The following HMGN3 variants were observed in gnomAD, a reference collection of about 807,000 sequenced individuals.
HMGN3 encodes high mobility group nucleosomal binding domain 3.
HMGN3 carries 6 observed loss-of-function variants against 18.8 expected under a neutral mutation model. The ratio of observed to expected loss-of-function variants is 0.32; its 90% CI spans 0.18 to 0.63. The LOEUF is 0.63. Ranked by LOEUF, HMGN3 falls within the 30% of genes least tolerant of loss-of-function variation. HMGN3 has a pLI of 0.79. For synonymous variants in HMGN3, 40 were observed against 36.5 expected, an observed-to-expected ratio of 1.10 and a Z score of -0.35; for missense variants, 107 against 114.2, an observed-to-expected ratio of 0.94 and a Z score of 0.29.
At chr6:79,220,083 T>C (rs1194386774) in intron 1 of HMGN3, among the ~76,000 whole-genome samples, 2 of 152,198 alleles carry the variant, frequency 1.3e-5, no homozygotes, top group African/African-American at 4.8e-5. Context: ...TCATGAAAGA[T>C]AGAAGTGGGG....
intron 1 of HMGN3, among the ~76,000 whole-genome samples, chr6:79,230,713 C>T (rs879879580): frequency 2.1e-4 from 32 of 151,980 alleles, no homozygotes; most frequent in Non-Finnish European, 1.9e-4. Context: ...AACAGCAAAC[C>T]TTTTTCAGTG....
chr6:79,212,205 G>C (rs541937437), intron 2 of HMGN3, among the ~76,000 whole-genome samples: 7 of 152,122 alleles, frequency 4.6e-5, no homozygotes, highest in Admixed American at 3.3e-4. Context: ...TAGGGATAGC[G>C]GATTTTGGAA....
chr6:79,207,119 G>C (rs1776459079), intron 3 of HMGN3, among the ~76,000 whole-genome samples: 1 of 152,182 alleles, frequency 6.6e-6, no homozygotes, highest in African/African-American at 2.4e-5. Context: ...CCTTATCTCA[G>C]ATGAGACTTT....
In HMGN3 at chr6:79,234,387, G is replaced by GAA; in HGVS notation, c.15+158_15+159insTT. On this transcript the variant is annotated intron_variant, in intron 1 of 5. Coordinates refer to ENST00000344726, the Ensembl canonical transcript of HMGN3. ...GGAGTGGGTAGGGGGGACAGAGAGA[G>GAA]GAACGTCTGCAACAGGCATCTAAAA... 3 of 674,092 alleles carry GAA rather than the reference G, an allele frequency of 4.5e-6. No homozygotes were observed. In the South Asian group the frequency reaches 5.4e-5, roughly 12 times the overall value. 41.8% of individuals were successfully genotyped at this position (674,092 alleles called of 1,614,324 possible).
chr6:79,230,318 G>A (rs1482779622), intron 1 of HMGN3, among the ~76,000 whole-genome samples: 2 of 152,180 alleles, frequency 1.3e-5, no homozygotes, highest in Non-Finnish European at 2.9e-5. Flanking sequence ...AGGGACCTTT[G>A]TGGAATGATG....
At chr6:79,214,351 A>G (rs557294496) in intron 2 of HMGN3, among the ~76,000 whole-genome samples, 100 of 151,726 alleles carry the variant, frequency 6.6e-4, no homozygotes, top group African/African-American at 1.9e-3. Context: ...ACAGGCGCCC[A>G]CCACCACGCC....
chr6:79,229,420 T>C (rs1777727959), intron 1 of HMGN3, among the ~76,000 whole-genome samples: 1 of 152,200 alleles, frequency 6.6e-6, no homozygotes, highest in Non-Finnish European at 1.5e-5. Context: ...ATTATGCTAG[T>C]AAACACGTGA....
At chr6:79,232,877 C>T (rs1358444273) in intron 1 of HMGN3, among the ~76,000 whole-genome samples, 3 of 152,164 alleles carry the variant, frequency 2.0e-5, no homozygotes, top group Non-Finnish European at 2.9e-5. Context: ...ATCATTAACC[C>T]TCAGTCAAAA....
At chr6:79,231,925 C>T (rs1253879485) in intron 1 of HMGN3, among the ~76,000 whole-genome samples, 1 of 152,148 alleles carries the variant, frequency 6.6e-6, no homozygotes, top group Non-Finnish European at 1.5e-5. Context: ...AACTGTATGT[C>T]CCTACAGCAT....
chr6:79,214,634 A>G (rs974236582), intron 2 of HMGN3, among the ~76,000 whole-genome samples: 1 of 152,208 alleles, frequency 6.6e-6, no homozygotes, highest in Non-Finnish European at 1.5e-5. Context: ...TGAAAGGCAG[A>G]CTTTGTTCTC....
At chr6:79,223,539 A>C (rs56841766) in intron 1 of HMGN3, among the ~76,000 whole-genome samples, 2,639 of 151,500 alleles carry the variant, frequency 0.017, 86 homozygotes, top group African/African-American at 0.061. Context: ...CACACAAACA[A>C]ACACCCACAA....
At chr6:79,202,415 A>G (rs1312399299) in intron 4 of HMGN3, 26 bp from the exon 5 acceptor site, 1 of 1,560,006 alleles carries the variant, frequency 6.4e-7, no homozygotes, top group Non-Finnish European at 8.8e-7. Context: ...AGCACAGTGA[A>G]AGAGAATGTT....
intron 1 of HMGN3, among the ~76,000 whole-genome samples, chr6:79,231,026 G>A (rs892491104): frequency 1.3e-5 from 2 of 152,146 alleles, no homozygotes; most frequent in Non-Finnish European, 2.9e-5. Flanking sequence ...AGGCAGATGG[G>A]CTTTCCTTCC....
chr6:79,210,739 T>A (rs1776645025), intron 2 of HMGN3, among the ~76,000 whole-genome samples: 1 of 152,042 alleles, frequency 6.6e-6, no homozygotes. Context: ...CTATCTGCCA[T>A]CTAGTTGTCT....
intron 1 of HMGN3, among the ~76,000 whole-genome samples, chr6:79,229,800 C>T (rs758397691): frequency 6.6e-6 from 1 of 152,026 alleles, no homozygotes; most frequent in Non-Finnish European, 1.5e-5. Flanking sequence ...ATGGTGTGAA[C>T]CCGGGAGGCG....
intron 1 of HMGN3, among the ~76,000 whole-genome samples, chr6:79,223,881 A>G (rs748142843): frequency 1.3e-5 from 2 of 152,122 alleles, no homozygotes; most frequent in Admixed American, 6.6e-5. Flanking sequence ...ACTAGTTAAG[A>G]TGGACCTTAA....
At chr6:79,229,237 A>G (rs1361577878) in intron 1 of HMGN3, among the ~76,000 whole-genome samples, 1 of 152,236 alleles carries the variant, frequency 6.6e-6, no homozygotes, top group African/African-American at 2.4e-5. Context: ...TCTTCAAAAG[A>G]CACCATTAAG....
chr6:79,218,419 C>T (rs1777103529), intron 1 of HMGN3, among the ~76,000 whole-genome samples: 1 of 151,776 alleles, frequency 6.6e-6, no homozygotes, highest in Non-Finnish European at 1.5e-5. Context: ...TAGAAACGAC[C>T]TAAACATATG....
exon 6 of HMGN3, chr6:79,201,359 T>C: frequency 4.0e-6 from 1 of 252,266 alleles, no homozygotes; most frequent in Non-Finnish European, 7.6e-6. Context: ...CCACTGATTA[T>C]TGCTCTAGAA....
Sources: gnomAD v4.1 joint callset for allele counts (sites outside exome capture counted in the v4.1 genomes callset) on GRCh38, gnomAD v4.1.1 for gene constraint, MANE v1.5 for transcripts, NCBI Gene and HGNC (gene_info 2026-07-23, HGNC 2026-07-21) for gene names.